The following NEK11 variants were observed in gnomAD, a reference collection of about 807,000 sequenced individuals.
The protein encoded by NEK11 is serine/threonine-protein kinase Nek11.
NEK11 carries 72 observed loss-of-function variants against 80.7 expected under a neutral mutation model. The observed-to-expected ratio is 0.89, with a 90% CI of 0.74 to 1.08. The LOEUF (loss-of-function observed/expected upper bound fraction) is 1.08. Among genes scored for constraint, NEK11 ranks in the 50% least tolerant of loss-of-function variants. The probability of loss-of-function intolerance (pLI) is 0.00; values close to 1 mark genes in which losing one functional copy is unlikely to be tolerated. For synonymous variants in NEK11, 251 were observed against 260.7 expected (o/e 0.96, Z 0.36); for missense variants, 764 against 763.6 (o/e 1.00, Z -0.01).
chr3:131,034,863 G>A (rs2065409081), intron 3 of NEK11, among the ~76,000 whole-genome samples: 2 of 152,186 alleles, frequency 1.3e-5, no homozygotes, highest in Admixed American at 1.3e-4. Context: ...GGTTGCACTC[G>A]GAGATGTTGG....
chr3:131,175,392 G>C (rs2092946089), intron 14 of NEK11, among the ~76,000 whole-genome samples: 1 of 152,198 alleles, frequency 6.6e-6, no homozygotes, highest in Non-Finnish European at 1.5e-5. Flanking sequence ...GTAGTTTGTT[G>C]ATGGAATATA....
chr3:131,185,926 A>G (rs2093580907), intron 14 of NEK11, among the ~76,000 whole-genome samples: 1 of 152,170 alleles, frequency 6.6e-6, no homozygotes, highest in Admixed American at 6.6e-5. Context: ...GTGGACCTGG[A>G]CAAAAAATTT....
intron 16 of NEK11, among the ~76,000 whole-genome samples, chr3:131,249,715 G>A (rs1372819890): frequency 6.6e-6 from 1 of 152,156 alleles, no homozygotes; most frequent in African/African-American, 2.4e-5. Flanking sequence ...ATATCTCTCT[G>A]ACAGCATTTA....
At chr3:131,174,910 C>A in intron 14 of NEK11, 1 of 1,459,156 alleles carries the variant, frequency 6.9e-7, no homozygotes, top group Non-Finnish European at 9.0e-7. Flanking sequence ...TGGCTGCTTA[C>A]CCACATCCTG....
intron 4 of NEK11, among the ~76,000 whole-genome samples, 200 bp downstream of exon 4, chr3:131,080,788 A>T (rs1486073088): frequency 2.0e-5 from 3 of 152,180 alleles, no homozygotes; most frequent in African/African-American, 7.2e-5. Context: ...TTTTCCCTCC[A>T]TTGGCAAACT....
rs547630480 is a variant in NEK11, at chr3:131,106,796, A to G, written c.337-3007A>G. 2.6e-4 allele frequency among the ~76,000 whole-genome samples: 39 copies of G among 152,350 alleles called. No homozygotes were observed. The South Asian group carries it at 8.1e-3, about 32-fold the overall frequency. The stretch of plus-strand genomic sequence containing the variant: ...AGAAAAAGAAATATGTTACACATTC[A>G]TAACATACATACTGACATATATAAA... On this transcript the variant is annotated intron_variant, in intron 4 of 17. Coordinates refer to ENST00000383366, the MANE Select transcript of NEK11 (RefSeq NM_024800.5).
chr3:131,262,017 C>T (rs2095932318), intron 16 of NEK11, among the ~76,000 whole-genome samples: 1 of 151,956 alleles, frequency 6.6e-6, no homozygotes, highest in Admixed American at 6.6e-5. Context: ...AAAATAGGTT[C>T]TTTGTAAAGA....
At chr3:131,325,470 G>A (rs1049986630) in intron 17 of NEK11, 2 of 151,858 alleles carry the variant, frequency 1.3e-5, no homozygotes, top group Non-Finnish European at 2.9e-5. Context: ...GATTTGGGAG[G>A]GGAATTCATG....
At chr3:131,039,904 T>C (rs2066213150) in intron 3 of NEK11, among the ~76,000 whole-genome samples, 2 of 152,348 alleles carry the variant, frequency 1.3e-5, no homozygotes, top group South Asian at 4.1e-4. Flanking sequence ...GCAACCCTTA[T>C]GTTAGTAATA....
chr3:131,116,854 T>C (rs1327290761), intron 5 of NEK11, among the ~76,000 whole-genome samples: 2 of 152,230 alleles, frequency 1.3e-5, no homozygotes, highest in African/African-American at 2.4e-5. Context: ...TTGTTTAAGT[T>C]CTTTGTAGAT....
intron 3 of NEK11, among the ~76,000 whole-genome samples, chr3:131,044,453 G>T (rs1312732566): frequency 6.7e-6 from 1 of 149,482 alleles, no homozygotes; most frequent in African/African-American, 2.5e-5. Context: ...AGGTGGGGGG[G>T]GGGGTTGGAA....
At chr3:131,231,227 T>A (rs7640101) in intron 15 of NEK11, among the ~76,000 whole-genome samples, 113,744 of 147,582 alleles carry the variant, frequency 0.77, 43,934 homozygotes, top group South Asian at 0.81. Context: ...TTTGAGACAG[T>A]GTCTCGCTCT....
At chr3:131,145,323 C>G (rs558664683) in intron 7 of NEK11, among the ~76,000 whole-genome samples, 2 of 152,144 alleles carry the variant, frequency 1.3e-5, no homozygotes, top group East Asian at 3.9e-4. Flanking sequence ...CTTTTTATAA[C>G]CTTAATAAAT....
At chr3:131,163,908 A>G (rs1016361326) in intron 11 of NEK11, among the ~76,000 whole-genome samples, 1 of 152,158 alleles carries the variant, frequency 6.6e-6, no homozygotes, top group African/African-American at 2.4e-5. Flanking sequence ...TAGGTTATCA[A>G]ATTTCCAAAT....
In NEK11 at chr3:131,185,239, A is replaced by G. The variant is rs151242965; in HGVS notation, c.1399+14352A>G. ...GTTGACTGGATCCTCTGGAAAGCAGATAATAGGACAGAGTTAGAAGTATAA... is the reference window on the plus strand; with the variant it reads ...GTTGACTGGATCCTCTGGAAAGCAGGTAATAGGACAGAGTTAGAAGTATAA... On this transcript the variant is annotated intron_variant, in intron 14 of 17. Coordinates refer to ENST00000383366, the MANE Select transcript of NEK11 (RefSeq NM_024800.5). Among the ~76,000 whole-genome samples the G allele has an allele frequency of 3.4e-3, 521 of 152,282 alleles. 2 individuals are homozygous for G. The highest frequency in any genetic ancestry group is 0.012 in the African/African-American group (479 of 41,558).
At chr3:131,247,599 G>T (rs528540049) in intron 16 of NEK11, among the ~76,000 whole-genome samples, 7 of 152,020 alleles carry the variant, frequency 4.6e-5, no homozygotes, top group African/African-American at 1.7e-4. Context: ...CTTGCTTTGG[G>T]TATGCAGGCT....
intron 14 of NEK11, among the ~76,000 whole-genome samples, chr3:131,188,264 G>T (rs2093668012): frequency 6.6e-6 from 1 of 152,130 alleles, no homozygotes; most frequent in African/African-American, 2.4e-5. Context: ...TGATTTTAAG[G>T]TGATAAGAAA....
intron 6 of NEK11, 56 bp downstream of exon 6, chr3:131,132,865 T>A (rs2084784864): frequency 1.3e-6 from 1 of 758,408 alleles, no homozygotes; most frequent in African/African-American, 1.8e-5. Context: ...TTCTAGATAT[T>A]ATCATATCAA....
intron 16 of NEK11, among the ~76,000 whole-genome samples, chr3:131,257,589 A>C (rs918334073): frequency 3.3e-5 from 5 of 152,282 alleles, no homozygotes; most frequent in Admixed American, 2.6e-4. Context: ...CTTTCATAGA[A>C]GCTAAGGAGT....
Sources: allele counts gnomAD v4.1 joint callset (sites outside exome capture counted in the v4.1 genomes callset), GRCh38; gene constraint gnomAD v4.1.1; transcripts MANE v1.5; gene names NCBI Gene and HGNC (gene_info 2026-07-23, HGNC 2026-07-21).